The following PHF21A variants were observed in gnomAD, a reference collection of about 807,000 sequenced individuals.
The protein encoded by PHF21A is PHD finger protein 21A.
In PHF21A, 11 loss-of-function variants were observed where a neutral mutation model predicts 82.5. The ratio of observed to expected loss-of-function variants is 0.13; its 90% CI spans 0.08 to 0.22. PHF21A has a LOEUF of 0.22. Ranked by LOEUF, PHF21A falls within the 10% of genes least tolerant of loss-of-function variation. PHF21A has a pLI of 1.00. For synonymous variants in PHF21A, 297 were observed against 302.8 expected (o/e 0.98, Z 0.20); for missense variants, 579 against 837.8 (o/e 0.69, Z 3.81).
intron 6 of PHF21A, among the ~76,000 whole-genome samples, chr11:45,981,392 C>CAAAAAA (rs59866051): frequency 8.3e-5 from 5 of 60,262 alleles, no homozygotes; most frequent in African/African-American, 3.4e-4. Flanking sequence ...AACCCTGTCT[C>CAAAAAA]AAAAAAAAAA....
intron 7 of PHF21A, 129 bp downstream of exon 7, chr11:45,979,631 A>T (rs1392697736): frequency 2.3e-6 from 3 of 1,314,696 alleles, no homozygotes; most frequent in African/African-American, 1.5e-5. Flanking sequence ...ACTGTAAAAA[A>T]GCAATCAAAA....
rs2134873512 is a variant in PHF21A at position 45,931,743 on chromosome 11, G to A, written c.*2225C>T. ...GGGCTTGGGGGAGATGCTCCAGCAG[G>A]GCCAGGGTACAGAGCCTCCACCGCC... On this transcript the variant is annotated 3_prime_UTR_variant, in exon 19 of 19. Coordinates refer to ENST00000676320, the MANE Select transcript of PHF21A (RefSeq NM_001352027.3). The A allele has an allele frequency of 6.6e-6, 1 of 152,466 alleles. No homozygotes were observed. The highest frequency in any genetic ancestry group is 2.1e-4 in the South Asian group (1 of 4,828). The allele number at this position is 152,466 out of a possible 1,614,324, so 9.4% of individuals were successfully genotyped here.
chr11:45,954,579 CA>C (rs2092481196), intron 10 of PHF21A, among the ~76,000 whole-genome samples: 1 of 151,940 alleles, frequency 6.6e-6, no homozygotes, highest in Admixed American at 6.5e-5. Context: ...GAAGAAACAC[CA>C]GTTGATTACC....
At chr11:46,059,421 A>T (rs1024494947) in intron 6 of PHF21A, among the ~76,000 whole-genome samples, 1 of 151,922 alleles carries the variant, frequency 6.6e-6, no homozygotes, top group South Asian at 2.1e-4. Context: ...ACCAATCTCA[A>T]TTTTTTTTAT....
In PHF21A at chr11:46,112,554, C is replaced by T. The variant is rs1212776749; in HGVS notation, c.-237+8381G>A. ...AAAAATATAAATAAATTATTAAAGACATTTCACCTCTTTCTCTGCCTCAGA... is the reference window on the plus strand; with the variant it reads ...AAAAATATAAATAAATTATTAAAGATATTTCACCTCTTTCTCTGCCTCAGA... On this transcript the variant is annotated intron_variant, in intron 1 of 18. Coordinates refer to ENST00000676320, the MANE Select transcript of PHF21A (RefSeq NM_001352027.3). Among the ~76,000 whole-genome samples the T allele has an allele frequency of 7.9e-5, 12 of 152,188 alleles. No individual in the cohort carries two copies. In the East Asian group the frequency reaches 2.3e-3, roughly 29 times the overall value.
intron 6 of PHF21A, among the ~76,000 whole-genome samples, chr11:46,011,440 G>A (rs1412046768): frequency 2.0e-5 from 3 of 152,152 alleles, no homozygotes; most frequent in South Asian, 4.2e-4. Flanking sequence ...AGCAGTGAGC[G>A]GAGATGGTGC....
intron 10 of PHF21A, among the ~76,000 whole-genome samples, chr11:45,960,219 C>T (rs1239021562): frequency 1.3e-5 from 2 of 152,158 alleles, no homozygotes; most frequent in Non-Finnish European, 2.9e-5. Context: ...CATACAAATG[C>T]TTGCACATGA....
intron 6 of PHF21A, among the ~76,000 whole-genome samples, chr11:46,010,922 T>G (rs1269927632): frequency 1.3e-5 from 2 of 152,146 alleles, no homozygotes; most frequent in Non-Finnish European, 2.9e-5. Flanking sequence ...TCTCTCCTAC[T>G]ATAATAAATA....
intron 6 of PHF21A, among the ~76,000 whole-genome samples, chr11:46,009,323 G>A: frequency 6.6e-6 from 1 of 152,050 alleles, no homozygotes; most frequent in East Asian, 1.9e-4. Context: ...TGGTCCTGGA[G>A]TACCTTTTTT....
intron 10 of PHF21A, among the ~76,000 whole-genome samples, chr11:45,962,008 G>A (rs2093116442): frequency 6.6e-6 from 1 of 152,188 alleles, no homozygotes; most frequent in African/African-American, 2.4e-5. Context: ...GGACACGTGA[G>A]ACCACTGCTG....
intron 3 of PHF21A, among the ~76,000 whole-genome samples, chr11:46,087,672 CTTGT>C (rs765072599): frequency 7.2e-5 from 11 of 152,104 alleles, no homozygotes; most frequent in Admixed American, 5.2e-4. Context: ...CATGTTGAAT[CTTGT>C]TTGTTTAATT....
At chr11:45,951,256 TAG>T (rs755243761) in intron 11 of PHF21A, among the ~76,000 whole-genome samples, 42 of 152,242 alleles carry the variant, frequency 2.8e-4, no homozygotes, top group Admixed American at 4.6e-4. Context: ...CATACTCCTG[TAG>T]AGTTATTTAT....
chr11:46,060,022 C>T (rs955375022), intron 6 of PHF21A, among the ~76,000 whole-genome samples: 16 of 152,204 alleles, frequency 1.1e-4, no homozygotes, highest in African/African-American at 2.2e-4. Context: ...GGATTACAGG[C>T]GTGAGCCACT....
intron 6 of PHF21A, among the ~76,000 whole-genome samples, chr11:46,039,014 G>C (rs61882546): frequency 0.098 from 14,941 of 152,160 alleles, 898 homozygotes; most frequent in African/African-American, 0.17. Context: ...GACATGAACA[G>C]AGAACAGCAA....
chr11:46,051,313 C>T (rs1304593349), intron 6 of PHF21A, among the ~76,000 whole-genome samples: 1 of 152,084 alleles, frequency 6.6e-6, no homozygotes, highest in Non-Finnish European at 1.5e-5. Flanking sequence ...TGGATTAGGT[C>T]AGCAGGTGGC....
intron 10 of PHF21A, among the ~76,000 whole-genome samples, chr11:45,962,510 C>T (rs960981887): frequency 4.6e-5 from 7 of 152,006 alleles, no homozygotes; most frequent in South Asian, 4.1e-4. Context: ...CTCTGCTGAT[C>T]GGGCTCGGTA....
chr11:46,098,941 G>A (rs1312490154), intron 1 of PHF21A, among the ~76,000 whole-genome samples: 2 of 152,058 alleles, frequency 1.3e-5, no homozygotes, highest in Admixed American at 6.5e-5. Flanking sequence ...TCAGAAATGG[G>A]ATAATAGACC....
intron 7 of PHF21A, among the ~76,000 whole-genome samples, chr11:45,977,046 A>C (rs2094061727): frequency 6.6e-6 from 1 of 152,122 alleles, no homozygotes; most frequent in Non-Finnish European, 1.5e-5. Context: ...TTTTGGAGGC[A>C]GCCCTGGGCC....
chr11:45,990,392 G>GGGTCCGAA, intron 6 of PHF21A, among the ~76,000 whole-genome samples: 1 of 151,534 alleles, frequency 6.6e-6, no homozygotes, highest in Non-Finnish European at 1.5e-5. Flanking sequence ...CCAAGGAGCT[G>GGGTCCGAA]GGACTACACG....
Sources: allele counts gnomAD v4.1 joint callset (sites outside exome capture counted in the v4.1 genomes callset), GRCh38; gene constraint gnomAD v4.1.1; transcripts MANE v1.5; gene names NCBI Gene and HGNC (gene_info 2026-07-23, HGNC 2026-07-21).